The following SMC2 variants were observed in gnomAD, a reference collection of about 807,000 sequenced individuals.
The protein encoded by SMC2 is structural maintenance of chromosomes 2, also known as structural maintenance of chromosomes protein 2.
A neutral mutation model predicts 142.6 loss-of-function variants in SMC2; 41 were observed. The ratio of observed to expected loss-of-function variants is 0.29; its 90% confidence interval spans 0.22 to 0.37. The LOEUF is 0.37. Among genes scored for constraint, SMC2 ranks in the 10% least tolerant of loss-of-function variants. The probability of loss-of-function intolerance (pLI) is 1.00; values close to 1 mark genes in which losing one functional copy is unlikely to be tolerated. For synonymous variants in SMC2, 463 were observed against 457.5 expected, an observed-to-expected ratio of 1.01 and a Z score of -0.15; for missense variants, 1,265 against 1,373.7, an observed-to-expected ratio of 0.92 and a Z score of 1.25.
chr9:104,114,464 A>T (rs77243276), intron 12 of SMC2, among the ~76,000 whole-genome samples: 8,617 of 152,228 alleles, frequency 0.057, 653 homozygotes, highest in African/African-American at 0.18. Context: ...AGAACATCAG[A>T]GTTGTTCTTA....
At chr9:104,106,047 G>C (rs946989688) in intron 9 of SMC2, among the ~76,000 whole-genome samples, 1 of 152,126 alleles carries the variant, frequency 6.6e-6, no homozygotes, top group Non-Finnish European at 1.5e-5. Context: ...CAGTGTTTAG[G>C]TCCATAATGC....
In SMC2 at chr9:104,111,818, A is replaced by C; in HGVS notation, c.1254+4A>C. On this transcript the variant is annotated splice_donor_region_variant and intron_variant, in intron 10 of 24. Coordinates refer to ENST00000374793, the MANE Select transcript of SMC2 (RefSeq NM_006444.3). ...AGCTCAGACAGAAGCCAAACAGGTA[A>C]ATAGAGACATTAGCACTATGTGATT... 2 of 1,600,174 alleles carry C rather than the reference A, an allele frequency of 1.2e-6. No individual in the cohort carries two copies. Among genetic ancestry groups the C allele is most frequent in the South Asian group, 2.2e-5 (2 of 90,546 alleles).
At chr9:104,133,196 C>T (rs147662322) in intron 22 of SMC2, among the ~76,000 whole-genome samples, 155 of 152,084 alleles carry the variant, frequency 1.0e-3, no homozygotes, top group African/African-American at 3.6e-3. Flanking sequence ...ATCTTTATAT[C>T]GATCTATGAA....
In SMC2 at chr9:104,099,636, A is replaced by G; in HGVS notation, c.442-8A>G. 1.3e-6 allele frequency: 2 copies of G among 1,553,522 alleles called. No homozygotes were observed. The highest frequency in any genetic ancestry group is 1.8e-6 in the Non-Finnish European group (2 of 1,125,882). ...GTTATCTTAGTAAGTTTGCTATTTTATTTTCAGGGCCGAATTACAAAAGTA... is the reference window on the plus strand; with the variant it reads ...GTTATCTTAGTAAGTTTGCTATTTTGTTTTCAGGGCCGAATTACAAAAGTA... On this transcript the variant is annotated splice_polypyrimidine_tract_variant and splice_region_variant and intron_variant, in intron 4 of 24. Transcript: ENST00000374793.
Position 104,139,286 on chromosome 9 carries a change from C to A in SMC2, c.3565C>A (p.Pro1189Thr). The stretch of plus-strand genomic sequence containing the variant: ...AAAGGAAGCAAAATCCAAGGCAAAA[C>A]CACCCAAAGGAGCACATGTGGAAGT... ...ISKEAKSKAK[P>T]PKGAHVEV The change falls in exon 25 of 25, where the codon CCA becomes ACA. Residue 1189 changes from proline (P) to threonine (T), a missense_variant. By Grantham distance (38) the Pro-to-Thr change is conservative (BLOSUM62 -1). Around this residue, in one of 4 missense-constraint regions of SMC2, gnomAD observed 192 missense variants for 261.9 expected, o/e 0.73. Transcript: ENST00000374793. The A allele has an allele frequency of 1.9e-6, 3 of 1,599,588 alleles. No individual in the cohort carries two copies. The African/African-American group carries it at 4.1e-5, about 22-fold the overall frequency.
chr9:104,124,336 T>C (rs766345278), intron 17 of SMC2, among the ~76,000 whole-genome samples: 1 of 152,130 alleles, frequency 6.6e-6, no homozygotes, highest in African/African-American at 2.4e-5. Context: ...CTGCCTGCCT[T>C]GGCTTCCCAA....
At chr9:104,106,169 G>A (rs974878646) in intron 9 of SMC2, among the ~76,000 whole-genome samples, 1 of 152,092 alleles carries the variant, frequency 6.6e-6, no homozygotes, top group Non-Finnish European at 1.5e-5. Flanking sequence ...TGAATAACAG[G>A]GTGCATGGAA....
upstream of SMC2, chr9:104,093,208 T>G (rs1164578909): frequency 6.6e-6 from 1 of 152,164 alleles, no homozygotes; most frequent in Non-Finnish European, 1.5e-5. Context: ...TCACTTAGGG[T>G]AACACCATAC....
intron 9 of SMC2, among the ~76,000 whole-genome samples, chr9:104,103,714 G>A (rs10521069): frequency 0.057 from 8,620 of 152,130 alleles, 653 homozygotes; most frequent in African/African-American, 0.18. Context: ...CCCAGTGAAG[G>A]TATACATTTG....
At chr9:104,107,448 G>C (rs940024557) in intron 9 of SMC2, among the ~76,000 whole-genome samples, 1 of 152,190 alleles carries the variant, frequency 6.6e-6, no homozygotes, top group Admixed American at 6.5e-5. Flanking sequence ...CAGGCTAACA[G>C]ACTGTAAATG....
chr9:104,115,512 T>C (rs1832989261), intron 13 of SMC2, among the ~76,000 whole-genome samples: 1 of 151,734 alleles, frequency 6.6e-6, no homozygotes, highest in African/African-American at 2.4e-5. Flanking sequence ...GAAGTGGAGG[T>C]TGCGGTAAGC....
chr9:104,113,470 A>G lies in SMC2; in HGVS notation c.1409A>G (p.Tyr470Cys), dbSNP rs77050953. 2.4e-5 allele frequency: 38 copies of G among 1,598,962 alleles called. No homozygotes were observed. The African/African-American group carries it at 4.5e-4, about 19-fold the overall frequency. Residue 470 changes from tyrosine (Y) to cysteine (C), a missense_variant, in exon 11 of 25, where the codon TAT becomes TGT. Tyr to Cys is a radical substitution (Grantham distance 194). Coordinates refer to ENST00000374793, the MANE Select transcript of SMC2 (RefSeq NM_006444.3). ...KLEAEMKKLN[Y>C]EENKEESLLE... is the part of the protein sequence containing the mutation. ...GAAGCTGAAATGAAAAAGCTAAATT[A>G]TGAAGGTTTGCCTTTAAAAACATGA...
chr9:104,121,915 C>G (rs147061602), intron 16 of SMC2, among the ~76,000 whole-genome samples: 1 of 152,128 alleles, frequency 6.6e-6, no homozygotes, highest in African/African-American at 2.4e-5. Context: ...CCACCACACC[C>G]GGCTAATTTT....
chr9:104,094,899 ATTGTGGAGAG>A (rs11277590), intron 1 of SMC2: 92,425 of 162,934 alleles, frequency 0.57, 27,383 homozygotes, highest in African/African-American at 0.69. Context: ...CGAGTGAAGG[ATTGTGGAGAG>A]GTGACATAGG....
rs1338935224 is a variant in SMC2, at chr9:104,095,327, T to G, written c.-58T>G. On this transcript the variant is annotated 5_prime_UTR_variant, in exon 2 of 25. Coordinates refer to ENST00000374793, the MANE Select transcript of SMC2 (RefSeq NM_006444.3). The stretch of plus-strand genomic sequence containing the variant: ...GTGGTATTTCTGTTTCGTACAGAAC[T>G]GGTTTGTGGCCTGTTTGATTCCTGT... 2.8e-6 allele frequency: 4 copies of G among 1,415,450 alleles called. No individual in the cohort carries two copies. In the South Asian group the frequency reaches 3.7e-5, roughly 13 times the overall value. 87.7% of individuals were successfully genotyped at this position (1,415,450 alleles called of 1,614,324 possible).
upstream of SMC2, among the ~76,000 whole-genome samples, chr9:104,091,519 C>T (rs1829981191): frequency 6.6e-6 from 1 of 152,144 alleles, no homozygotes; most frequent in South Asian, 2.1e-4. Context: ...CAGCCTGAGA[C>T]AGAGTGAGAC....
chr9:104,135,750 A>T (rs866083501), intron 23 of SMC2: 2 of 470,940 alleles, frequency 4.2e-6, no homozygotes, highest in Non-Finnish European at 4.2e-6. Context: ...TTCTTGTTAA[A>T]CACTATGTAA....
chr9:104,112,397 T>C (rs1381098483), intron 10 of SMC2, among the ~76,000 whole-genome samples: 2 of 152,218 alleles, frequency 1.3e-5, no homozygotes, highest in Non-Finnish European at 1.5e-5. Context: ...CAACTTACAG[T>C]CCTATGAACA....
rs1241206772 is a variant in SMC2, at chr9:104,127,283, T to TA, written c.2596-2dup. ...CATATTTTCTTTAATTTTTTTGTTT[T>TA]AGGAGTCAGTAAATAAAGCTCAAGA... On this transcript the variant is annotated splice_polypyrimidine_tract_variant and splice_region_variant and intron_variant, in intron 19 of 24. Transcript: ENST00000374793. 1.3e-6 allele frequency: 2 copies of TA among 1,562,132 alleles called. No homozygotes were observed. Among genetic ancestry groups the TA allele is most frequent in the African/African-American group, 1.4e-5 (1 of 72,612 alleles).
Sources: gnomAD v4.1 joint callset for allele counts (sites outside exome capture counted in the v4.1 genomes callset) on GRCh38, gnomAD v4.1.1 for gene constraint, gnomAD v4.1.1 regional missense constraint, MANE v1.5 for transcripts, NCBI Gene and HGNC (gene_info 2026-07-23, HGNC 2026-07-21) for gene names.